The following REPS1 variants were observed in gnomAD, a reference collection of about 807,000 sequenced individuals.
REPS1 encodes RALBP1 associated Eps domain containing 1.
In REPS1, 39 loss-of-function variants were observed where a neutral mutation model predicts 100.9. That is an observed-to-expected ratio of 0.39 (90% CI 0.30 to 0.50). REPS1 has a LOEUF of 0.50. Among genes scored for constraint, REPS1 ranks in the 20% least tolerant of loss-of-function variants. REPS1 has a pLI of 0.86. For synonymous variants in REPS1, 324 were observed against 340.3 expected (o/e 0.95, Z 0.53); for missense variants, 821 against 968.5 (o/e 0.85, Z 2.02).
intron 1 of REPS1, among the ~76,000 whole-genome samples, chr6:138,957,752 CAA>C (rs1256469703): frequency 6.6e-6 from 1 of 152,136 alleles, no homozygotes; most frequent in Non-Finnish European, 1.5e-5. Context: ...TGAGAAAAAA[CAA>C]AAGACAGTTA....
At chr6:138,978,970 C>G (rs1284651494) in intron 1 of REPS1, among the ~76,000 whole-genome samples, 1 of 152,042 alleles carries the variant, frequency 6.6e-6, no homozygotes, top group African/African-American at 2.4e-5. Context: ...ATCACGAGAT[C>G]AGCAGTTCGA....
chr6:138,953,152 G>T (rs1018615178), intron 1 of REPS1, among the ~76,000 whole-genome samples: 5 of 151,936 alleles, frequency 3.3e-5, no homozygotes, highest in Admixed American at 3.3e-4. Flanking sequence ...TTTTATGAAT[G>T]AAATTAGATG....
chr6:138,919,408 C>A (rs755588001), intron 12 of REPS1, among the ~76,000 whole-genome samples: 1 of 152,170 alleles, frequency 6.6e-6, no homozygotes, highest in Non-Finnish European at 1.5e-5. Context: ...CCAGACTGAT[C>A]CAGTTAAAAA....
At chr6:138,967,473 A>G (rs1784087584) in intron 1 of REPS1, among the ~76,000 whole-genome samples, 2 of 152,208 alleles carry the variant, frequency 1.3e-5, no homozygotes, top group African/African-American at 4.8e-5. Flanking sequence ...ATCACACACA[A>G]AAGTTGAGGT....
chr6:138,940,604 G>T (rs1249485775), intron 8 of REPS1, among the ~76,000 whole-genome samples: 1 of 152,024 alleles, frequency 6.6e-6, no homozygotes, highest in Non-Finnish European at 1.5e-5. Context: ...AATTAGCGGG[G>T]CATGGTGGTG....
chr6:138,939,177 TA>T (rs1782062255), intron 8 of REPS1, among the ~76,000 whole-genome samples: 1 of 152,168 alleles, frequency 6.6e-6, no homozygotes, highest in Non-Finnish European at 1.5e-5. Flanking sequence ...AATACCAAAA[TA>T]TATCATTTGT....
intron 1 of REPS1, among the ~76,000 whole-genome samples, chr6:138,968,716 A>G (rs916537762): frequency 6.6e-6 from 1 of 152,254 alleles, no homozygotes; most frequent in Non-Finnish European, 1.5e-5. Flanking sequence ...GATAAAAAAT[A>G]TATATTCAAT....
At chr6:138,919,336 C>T (rs1274240773) in intron 12 of REPS1, among the ~76,000 whole-genome samples, 2 of 152,158 alleles carry the variant, frequency 1.3e-5, no homozygotes, top group Non-Finnish European at 2.9e-5. Flanking sequence ...CTGATTACCG[C>T]TATCTCCTAA....
At chr6:138,978,358 G>A (rs182226821) in intron 1 of REPS1, among the ~76,000 whole-genome samples, 4 of 150,436 alleles carry the variant, frequency 2.7e-5, no homozygotes, top group East Asian at 1.9e-4. Flanking sequence ...GCGCAATCTC[G>A]GGTCTCTCTG....
chr6:138,928,058 C>T (rs896601273), intron 9 of REPS1: 6 of 152,150 alleles, frequency 3.9e-5, no homozygotes, highest in Non-Finnish European at 8.8e-5. Flanking sequence ...CTCTTATCAT[C>T]TTCATACTTA....
chr6:138,944,459 T>C, intron 5 of REPS1, 39 bp downstream of exon 5: 1 of 1,599,902 alleles, frequency 6.3e-7, no homozygotes, highest in South Asian at 1.1e-5. Flanking sequence ...ATACTCTGAA[T>C]GAAGCAAATA....
intron 1 of REPS1, among the ~76,000 whole-genome samples, chr6:138,986,821 T>C (rs1198995123): frequency 6.6e-6 from 1 of 152,176 alleles, no homozygotes; most frequent in African/African-American, 2.4e-5. Context: ...GGTTTGCTCC[T>C]CCAGGGCTTC....
chr6:138,921,344 CA>C lies in REPS1; in HGVS notation c.1339-221del, dbSNP rs1402288107. Among the ~76,000 whole-genome samples, 5 of 150,052 alleles carry C rather than the reference CA, an allele frequency of 3.3e-5. No homozygotes were observed. The East Asian group carries it at 7.9e-4, about 24-fold the overall frequency. Reference sequence around the variant, plus strand: ...TATCTGCTTAATTAAAAAAAAAAAACATTTTAAGTGGAGTGATTAAAGATTT... The same window carrying C: ...TATCTGCTTAATTAAAAAAAAAAAACTTTTAAGTGGAGTGATTAAAGATTT... On this transcript the variant is annotated intron_variant, in intron 10 of 19. Coordinates refer to ENST00000450536, the MANE Select transcript of REPS1 (RefSeq NM_001286611.2).
At position 138,904,550 on chromosome 6, in the gene REPS1, T is replaced by C. The variant is rs1414359491; in HGVS notation, c.*514A>G. ...AAGAGGCTTCAATGTACCACATGAT[T>C]TGTGAAGAATGTAGACGGCTGCAGA... On this transcript the variant is annotated 3_prime_UTR_variant, in exon 20 of 20. Coordinates refer to ENST00000450536, the MANE Select transcript of REPS1 (RefSeq NM_001286611.2). 6.6e-6 allele frequency: 1 copy of C among 152,242 alleles called. No homozygotes were observed. Among genetic ancestry groups the C allele is most frequent in the Non-Finnish European group, 1.5e-5 (1 of 68,042 alleles). The allele number at this position is 152,242 out of a possible 1,614,324, so 9.4% of individuals were successfully genotyped here. A position where few individuals can be genotyped will look rare whatever the true frequency, so the allele number is the denominator to read the frequency against.
intron 10 of REPS1, among the ~76,000 whole-genome samples, chr6:138,925,316 G>C (rs989654413): frequency 5.3e-5 from 8 of 152,128 alleles, no homozygotes; most frequent in African/African-American, 1.9e-4. Context: ...GCAGTGAGCT[G>C]AGATCGCACC....
chr6:138,914,602 A>G lies in REPS1; in HGVS notation c.1785+95T>C. 1.0e-5 allele frequency: 10 copies of G among 979,220 alleles called. No homozygotes were observed. In the Admixed American group the frequency reaches 1.1e-4, roughly 11 times the overall value. The allele number at this position is 979,220 out of a possible 1,614,324, so 60.7% of individuals were successfully genotyped here. ...GCTCATTAAAGATTACCAACAGATC[A>G]TTCCTGACCTTCCAAATAATTTGAG... On this transcript the variant is annotated intron_variant, in intron 15 of 19. Coordinates refer to ENST00000450536, the MANE Select transcript of REPS1 (RefSeq NM_001286611.2).
In REPS1 at chr6:138,907,553, T is replaced by C; in HGVS notation, c.2264A>G (p.Asn755Ser). The C allele has an allele frequency of 6.2e-7, 1 of 1,613,850 alleles. No individual in the cohort carries two copies. The highest frequency in any genetic ancestry group is 8.5e-7 in the Non-Finnish European group (1 of 1,179,838). ...GGCCAAAACGGTGTTGGTTTCCTTA[T>C]TACGTCTAATTGATGCCTGAATAGC... ...KKAIQASIRR[N>S]KETNTVLARL... Residue 755 changes from asparagine (N) to serine (S), a missense_variant, in exon 19 of 20, where the codon AAT becomes AGT. Asn to Ser is a conservative substitution (Grantham distance 46, BLOSUM62 1). This residue lies in a region of REPS1 where 757 missense variants were observed against 866.4 expected (regional missense o/e 0.87). Transcript: ENST00000450536.
At chr6:138,981,474 T>C (rs1355045366) in intron 1 of REPS1, among the ~76,000 whole-genome samples, 2 of 152,206 alleles carry the variant, frequency 1.3e-5, no homozygotes, top group Non-Finnish European at 2.9e-5. Flanking sequence ...TTATCACCCA[T>C]TTCAAATTCT....
intron 16 of REPS1, 82 bp from the exon 17 acceptor site, chr6:138,911,453 T>A: frequency 2.2e-6 from 2 of 912,384 alleles, no homozygotes; most frequent in Admixed American, 2.1e-5. Context: ...CAAATCAGAA[T>A]AAAATGTTAA....
Sources: allele counts gnomAD v4.1 joint callset (sites outside exome capture counted in the v4.1 genomes callset), GRCh38; gene constraint gnomAD v4.1.1; regional missense constraint gnomAD v4.1.1; transcripts MANE v1.5; gene names NCBI Gene and HGNC (gene_info 2026-07-23, HGNC 2026-07-21).